ARF5: variants seen among roughly 807,000 people sequenced by gnomAD.
The protein encoded by ARF5 is ARF GTPase 5.
Under a neutral mutation model 24.8 loss-of-function variants are expected in ARF5, and 10 were observed. The observed-to-expected ratio is 0.40, with a 90% CI of 0.25 to 0.68. The LOEUF (loss-of-function observed/expected upper bound fraction) is 0.68, where lower values mean the gene tolerates loss of function less well. Among genes scored for constraint, ARF5 ranks in the 30% least tolerant of loss-of-function variants. The pLI is 0.36. For synonymous variants in ARF5, 102 were observed against 95.1 expected (o/e 1.07, Z -0.42); for missense variants, 135 against 239.2 (o/e 0.56, Z 2.87).
rs371181234 is a variant in ARF5 at position 127,591,303 on chromosome 7, G to A, written c.*4G>A. On this transcript the variant is annotated 3_prime_UTR_variant, in exon 6 of 6. Coordinates refer to ENST00000000233, the MANE Select transcript of ARF5 (RefSeq NM_001662.4). ...CCACGAGCTGTCAAAGCGCTAACCA[G>A]CCAGGGGCAGGCCCCTGATGCCCGG... 70 of 1,587,806 alleles carry A rather than the reference G, an allele frequency of 4.4e-5. No individual in the cohort carries two copies. In the East Asian group the frequency reaches 9.2e-4, roughly 21 times the overall value.
At chr7:127,590,463 G>A (rs1187965341) in intron 4 of ARF5, among the ~76,000 whole-genome samples, 1 of 152,054 alleles carries the variant, frequency 6.6e-6, no homozygotes, top group African/African-American at 2.4e-5. Flanking sequence ...CTCCCAAGTA[G>A]CTGGGATTAC....
At chr7:127,590,036 C>T in intron 3 of ARF5, 30 bp from the exon 4 acceptor site, 1 of 1,593,894 alleles carries the variant, frequency 6.3e-7, no homozygotes, top group Non-Finnish European at 8.6e-7. Context: ...GAAGTGATTG[C>T]TTCTCCTTTC....
At position 127,588,488 on chromosome 7, in the gene ARF5, C is replaced by G; in HGVS notation, c.-11C>G. On this transcript the variant is annotated 5_prime_UTR_variant, in exon 1 of 6. Transcript: ENST00000000233. ...CCGCGTCGGTGCCCGCGCCCCTCCCCGGGCCCCGCCATGGGCCTCACCGTG... is the reference window on the plus strand; with the variant it reads ...CCGCGTCGGTGCCCGCGCCCCTCCCGGGGCCCCGCCATGGGCCTCACCGTG... The G allele has an allele frequency of 1.4e-6, 2 of 1,437,554 alleles. No homozygotes were observed. The highest frequency in any genetic ancestry group is 9.2e-7 in the Non-Finnish European group (1 of 1,084,764). The allele number at this position is 1,437,554 out of a possible 1,614,324, so 89.0% of individuals were successfully genotyped here. A position where few individuals can be genotyped will look rare whatever the true frequency, so the allele number is the denominator to read the frequency against.
At position 127,591,341 on chromosome 7, in the gene ARF5, G is replaced by A; in HGVS notation, c.*42G>A. On this transcript the variant is annotated 3_prime_UTR_variant, in exon 6 of 6. Coordinates refer to ENST00000000233, the MANE Select transcript of ARF5 (RefSeq NM_001662.4). ...CCCTGATGCCCGGAAGCTCCTGCGT[G>A]CATCCCCGGGATGACCAGACTCCCG... 6.6e-7 allele frequency: 1 copy of A among 1,510,996 alleles called. No homozygotes were observed. The highest frequency in any genetic ancestry group is 8.9e-7 in the Non-Finnish European group (1 of 1,128,042). 93.6% of individuals were successfully genotyped at this position (1,510,996 alleles called of 1,614,324 possible). A position where few individuals can be genotyped will look rare whatever the true frequency, so the allele number is the denominator to read the frequency against.
chr7:127,588,430 T>C lies in ARF5; in HGVS notation c.-69T>C. The stretch of plus-strand genomic sequence containing the variant: ...CTCCTCCTGCTGCTGCTGCGCCCCA[T>C]CCCCCCGCGGCCGGCCAGTTCCAGC... On this transcript the variant is annotated 5_prime_UTR_variant, in exon 1 of 6. Transcript: ENST00000000233. The C allele has an allele frequency of 4.9e-6, 5 of 1,025,994 alleles. No individual in the cohort carries two copies. Among genetic ancestry groups the C allele is most frequent in the African/African-American group, 1.7e-5 (1 of 58,824 alleles). The allele number at this position is 1,025,994 out of a possible 1,614,324, so 63.6% of individuals were successfully genotyped here. A position where few individuals can be genotyped will look rare whatever the true frequency, so the allele number is the denominator to read the frequency against.
intron 5 of ARF5, 27 bp downstream of exon 5, chr7:127,591,115 A>T: frequency 6.2e-7 from 1 of 1,612,940 alleles, no homozygotes; most frequent in Non-Finnish European, 8.5e-7. Flanking sequence ...CCTGGTGCTG[A>T]ATCCTGCCTC....
intron 2 of ARF5, 71 bp downstream of exon 2, chr7:127,589,234 C>T: frequency 1.3e-6 from 2 of 1,541,342 alleles, no homozygotes; most frequent in South Asian, 1.1e-5. Flanking sequence ...CCCAGTTCTG[C>T]CACTTTTCTG....
chr7:127,588,976 C>G (rs1482826234), intron 1 of ARF5, 107 bp from the exon 2 acceptor site: 9 of 1,348,326 alleles, frequency 6.7e-6, no homozygotes, highest in Non-Finnish European at 8.4e-6. Flanking sequence ...GGAGGCGCTC[C>G]CGCTCTCCGC....
At position 127,590,055 on chromosome 7, in the gene ARF5, T is replaced by C. The variant is rs904485539; in HGVS notation, c.259-11T>C. On this transcript the variant is annotated splice_polypyrimidine_tract_variant and intron_variant, in intron 3 of 5. Coordinates refer to ENST00000000233, the MANE Select transcript of ARF5 (RefSeq NM_001662.4). Reference sequence around the variant, plus strand: ...TGATTGCTTCTCCTTTCTTCCTTCCTTCCTGCCCAGGGCCTCATCTTTGTG... The same window carrying C: ...TGATTGCTTCTCCTTTCTTCCTTCCCTCCTGCCCAGGGCCTCATCTTTGTG... The C allele has an allele frequency of 1.9e-6, 3 of 1,613,442 alleles. No individual in the cohort carries two copies. The highest frequency in any genetic ancestry group is 2.5e-6 in the Non-Finnish European group (3 of 1,179,524).
At chr7:127,588,986 C>T in intron 1 of ARF5, 97 bp from the exon 2 acceptor site, 1 of 1,415,518 alleles carries the variant, frequency 7.1e-7, no homozygotes, top group South Asian at 1.2e-5. Context: ...CCGCTCTCCG[C>T]CCCAGTCACC....
Position 127,590,109 on chromosome 7 carries a change from A to G in ARF5, c.302A>G (p.Gln101Arg). The change falls in exon 4 of 6, where the codon CAA (glutamine) becomes CGA (arginine). Residue 101 changes from glutamine (Q) to arginine (R), a missense_variant. By Grantham distance (43) the Gln-to-Arg change is conservative. Transcript: ENST00000000233. ...GACAGTAATGACCGGGAGCGGGTCCAAGAATCTGCTGATGAACTCCAGAAG... is the reference window on the plus strand; with the variant it reads ...GACAGTAATGACCGGGAGCGGGTCCGAGAATCTGCTGATGAACTCCAGAAG... ...VVDSNDRERV[Q>R]ESADELQKML... 1 of 1,614,032 alleles carries G rather than the reference A, an allele frequency of 6.2e-7. No individual in the cohort carries two copies. Among genetic ancestry groups the G allele is most frequent in the Non-Finnish European group, 8.5e-7 (1 of 1,179,976 alleles).
chr7:127,591,539 C>T lies in ARF5; in HGVS notation c.*240C>T. On this transcript the variant is annotated 3_prime_UTR_variant, in exon 6 of 6. Transcript: ENST00000000233. ...GGACCTATGGAAGGGGCTTCCTGGC[C>T]AAGGCCCCCTCTTCCAGAGGAGGAG... 2.1e-6 allele frequency: 1 copy of T among 477,322 alleles called. No homozygotes were observed. Among genetic ancestry groups the T allele is most frequent in the East Asian group, 3.6e-5 (1 of 27,424 alleles). 29.6% of individuals were successfully genotyped at this position (477,322 alleles called of 1,614,324 possible).
In ARF5 at chr7:127,588,697, C is replaced by T. The variant is rs1794240585; in HGVS notation, c.67+132C>T. On this transcript the variant is annotated intron_variant, in intron 1 of 5. Coordinates refer to ENST00000000233, the MANE Select transcript of ARF5 (RefSeq NM_001662.4). Reference sequence around the variant, plus strand: ...CACCCACCTCATAACGCCCCGGGGCCTCTGCTCTCGGGCGGGTCCCGGTCT... The same window carrying T: ...CACCCACCTCATAACGCCCCGGGGCTTCTGCTCTCGGGCGGGTCCCGGTCT... The T allele has an allele frequency of 7.7e-6, 7 of 913,984 alleles. No individual in the cohort carries two copies. In the East Asian group the frequency reaches 1.6e-4, roughly 21 times the overall value. The allele number at this position is 913,984 out of a possible 1,614,324, so 56.6% of individuals were successfully genotyped here.
intron 1 of ARF5, chr7:127,588,823 T>G: frequency 5.2e-6 from 3 of 577,606 alleles, no homozygotes; most frequent in Non-Finnish European, 9.0e-6. Flanking sequence ...GATTCCGCCC[T>G]TGGAGACGAC....
At position 127,591,449 on chromosome 7, in the gene ARF5, T is replaced by C. The variant is rs558006789; in HGVS notation, c.*150T>C. On this transcript the variant is annotated 3_prime_UTR_variant, in exon 6 of 6. Coordinates refer to ENST00000000233, the MANE Select transcript of ARF5 (RefSeq NM_001662.4). ...TGCTCCTGCTCCTGCCTGCATGTTC[T>C]CTCTGTTGTTGGAGCCTGGAGCCTT... 10 of 661,004 alleles carry C rather than the reference T, an allele frequency of 1.5e-5. No individual in the cohort carries two copies. Among genetic ancestry groups the C allele is most frequent in the Admixed American group, 3.6e-5 (1 of 27,462 alleles). 40.9% of individuals were successfully genotyped at this position (661,004 alleles called of 1,614,324 possible).
Position 127,591,450 on chromosome 7 carries a change from C to T in ARF5, c.*151C>T, listed in dbSNP as rs1794287418. ...GCTCCTGCTCCTGCCTGCATGTTCTCTCTGTTGTTGGAGCCTGGAGCCTTG... is the reference window on the plus strand; with the variant it reads ...GCTCCTGCTCCTGCCTGCATGTTCTTTCTGTTGTTGGAGCCTGGAGCCTTG... On this transcript the variant is annotated 3_prime_UTR_variant, in exon 6 of 6. Transcript: ENST00000000233. The T allele has an allele frequency of 3.0e-6, 2 of 662,704 alleles. No homozygotes were observed. The highest frequency in any genetic ancestry group is 3.6e-5 in the Admixed American group (1 of 27,522). 41.1% of individuals were successfully genotyped at this position (662,704 alleles called of 1,614,324 possible). A position where few individuals can be genotyped will look rare whatever the true frequency, so the allele number is the denominator to read the frequency against.
chr7:127,591,436 T>C lies in ARF5; in HGVS notation c.*137T>C, dbSNP rs2117419205. The C allele has an allele frequency of 1.4e-6, 1 of 701,798 alleles. No homozygotes were observed. The highest frequency in any genetic ancestry group is 2.3e-6 in the Non-Finnish European group (1 of 443,416). The allele number at this position is 701,798 out of a possible 1,614,324, so 43.5% of individuals were successfully genotyped here. A position where few individuals can be genotyped will look rare whatever the true frequency, so the allele number is the denominator to read the frequency against. ...AGCCACAGGCCTCTGCTCCTGCTCC[T>C]GCCTGCATGTTCTCTCTGTTGTTGG... On this transcript the variant is annotated 3_prime_UTR_variant, in exon 6 of 6. Transcript: ENST00000000233.
Position 127,589,087 on chromosome 7 carries a change from C to G in ARF5, c.72C>G (p.Gly24=), listed in dbSNP as rs1300815718. 13 of 1,614,112 alleles carry G rather than the reference C, an allele frequency of 8.1e-6. No homozygotes were observed. The highest frequency in any genetic ancestry group is 1.1e-5 in the Non-Finnish European group (13 of 1,180,028). ...CTGTGCCCCTTTCCGTTGCAGTTGG[C>G]TTGGATGCGGCTGGCAAGACCACAA... The part of the protein sequence containing the change: ...GKKQMRILMV[G]LDAAGKTTIL... The change falls in exon 2 of 6, where the codon GGC becomes GGG. Residue 24 remains glycine (G), a synonymous_variant. Coordinates refer to ENST00000000233, the MANE Select transcript of ARF5 (RefSeq NM_001662.4).
Position 127,591,027 on chromosome 7 carries a change from A to G in ARF5, c.395A>G (p.Asn132Ser), listed in dbSNP as rs1794279688. Residue 132 changes from asparagine to serine, a missense_variant, in exon 5 of 6, where the codon AAC becomes AGC. Physicochemically the swap from Asn to Ser is conservative, Grantham distance 46 (BLOSUM62 1). This residue lies in a region of ARF5 where 102 missense variants were observed against 160.9 expected (regional missense o/e 0.63). Coordinates refer to ENST00000000233, the MANE Select transcript of ARF5 (RefSeq NM_001662.4). The part of the protein sequence containing the change: ...LVFANKQDMP[N>S]AMPVSELTDK... ...TTTGCCAACAAGCAGGACATGCCCA[A>G]CGCCATGCCCGTGAGCGAGCTGACT... 1.2e-6 allele frequency: 2 copies of G among 1,614,114 alleles called. No homozygotes were observed. The highest frequency in any genetic ancestry group is 1.1e-5 in the South Asian group (1 of 91,072).
Sources: allele counts gnomAD v4.1 joint callset (sites outside exome capture counted in the v4.1 genomes callset), GRCh38; gene constraint gnomAD v4.1.1; regional missense constraint gnomAD v4.1.1; transcripts MANE v1.5; gene names NCBI Gene and HGNC (gene_info 2026-07-23, HGNC 2026-07-21).